Variants in MED24 observed in about 807,000 individuals in gnomAD.
The protein encoded by MED24 is mediator complex subunit 24.
Under a neutral mutation model 118.8 loss-of-function variants are expected in MED24, and 74 were observed. That is an observed-to-expected ratio of 0.62 (90% CI 0.52 to 0.76). MED24 has a LOEUF of 0.76. Among genes scored for constraint, MED24 ranks in the 30% least tolerant of loss-of-function variants. The pLI, the probability that MED24 is intolerant of heterozygous loss-of-function variation, is 0.00. For synonymous variants in MED24, 521 were observed against 523.9 expected (o/e 0.99, Z 0.08); for missense variants, 1,041 against 1,278.9 (o/e 0.81, Z 2.84).
At chr17:40,053,883 C>T (rs890983254) in intron 1 of MED24, 1 of 596,236 alleles carries the variant, frequency 1.7e-6, no homozygotes, top group Admixed American at 3.0e-5. Context: ...GTAATCCCAG[C>T]ACTTCGGGAG....
intron 3 of MED24, among the ~76,000 whole-genome samples, chr17:40,050,837 T>G (rs758347723): frequency 1.1e-4 from 17 of 152,114 alleles, no homozygotes; most frequent in Non-Finnish European, 2.5e-4. Context: ...TGTATGCACA[T>G]AAGAAATCTG....
rs1181266049 is a variant in MED24, at chr17:40,029,829, C to T, written c.1185G>A (p.Gln395=). 1 of 1,614,166 alleles carries T rather than the reference C, an allele frequency of 6.2e-7. No individual in the cohort carries two copies. The highest frequency in any genetic ancestry group is 8.5e-7 in the Non-Finnish European group (1 of 1,180,014). ...RKADREHAPQ[Q]KSGENANIQP... ...GGATGTTGGCATTCTCTCCCGATTT[C>T]TGCTGGGGTGCGTGCTCTCGGTCCG... The change falls in exon 13 of 26, where the codon CAG becomes CAA. Residue 395 remains glutamine, a synonymous_variant. Coordinates refer to ENST00000394128, the MANE Select transcript of MED24 (RefSeq NM_014815.4).
At chr17:40,023,462 C>T (rs1568155978) in intron 19 of MED24, 67 bp from the exon 20 acceptor site, 4 of 1,427,948 alleles carry the variant, frequency 2.8e-6, no homozygotes, top group Non-Finnish European at 3.8e-6. Flanking sequence ...GAGGAGGGAA[C>T]ACCCATGCCA....
chr17:40,023,311 G>C lies in MED24; in HGVS notation c.2070C>G (p.Thr690=). ...QTATQIKFPS[T]GVDTMPYWNL... ...TCCAGTAGGGCATTGTGTCCACCCC[G>C]GTGGAGGGAAACTTGATCTGCGTGG... The change falls in exon 20 of 26, where the codon ACC becomes ACG. Residue 690 remains threonine (T), a synonymous_variant. Transcript: ENST00000394128. 6.2e-7 allele frequency: 1 copy of C among 1,614,018 alleles called. No individual in the cohort carries two copies. The highest frequency in any genetic ancestry group is 8.5e-7 in the Non-Finnish European group (1 of 1,179,946).
chr17:40,036,497 C>T (rs556520786), intron 3 of MED24, among the ~76,000 whole-genome samples: 1 of 152,054 alleles, frequency 6.6e-6, no homozygotes, highest in Non-Finnish European at 1.5e-5. Context: ...GAGACCATCC[C>T]GCCCAACATG....
chr17:40,046,087 ATTTT>A, intron 3 of MED24, among the ~76,000 whole-genome samples: 1 of 123,818 alleles, frequency 8.1e-6, no homozygotes. Context: ...TCTAAAAAAA[ATTTT>A]TTTTTTTTTT....
chr17:40,045,159 A>G (rs1985022689), intron 3 of MED24, among the ~76,000 whole-genome samples: 1 of 152,096 alleles, frequency 6.6e-6, no homozygotes, highest in Non-Finnish European at 1.5e-5. Context: ...TAAAGTACAT[A>G]TGGGCTGGGC....
At position 40,053,615 on chromosome 17, in the gene MED24, G is replaced by A. The variant is rs1986061467; in HGVS notation, c.-17C>T. ...CACCTTCATTATTTCACTCTGAGCA[G>A]GTGGCAGCGGTGGCGGCCAGCTTTG... On this transcript the variant is annotated 5_prime_UTR_variant, in exon 2 of 26. Transcript: ENST00000394128. 6.2e-7 allele frequency: 1 copy of A among 1,614,048 alleles called. No individual in the cohort carries two copies. Among genetic ancestry groups the A allele is most frequent in the African/African-American group, 1.3e-5 (1 of 75,042 alleles).
chr17:40,036,007 G>C, intron 4 of MED24, 109 bp downstream of exon 4: 1 of 1,298,676 alleles, frequency 7.7e-7, no homozygotes, highest in Admixed American at 1.7e-5. Context: ...CCAGCCAGAG[G>C]CATCATGTGC....
intron 19 of MED24, among the ~76,000 whole-genome samples, chr17:40,025,147 C>G (rs1387749748): frequency 1.3e-5 from 2 of 152,154 alleles, no homozygotes; most frequent in Non-Finnish European, 2.9e-5. Context: ...CACGAAAAGG[C>G]AAGGACTGTA....
chr17:40,045,554 CA>C (rs1985073603), intron 3 of MED24, among the ~76,000 whole-genome samples: 1 of 152,012 alleles, frequency 6.6e-6, no homozygotes, highest in African/African-American at 2.4e-5. Context: ...TCTGGGAGGC[CA>C]AGGTGGGTAG....
Position 40,031,592 on chromosome 17 carries a change from A to G in MED24, c.1013T>C (p.Phe338Ser), listed in dbSNP as rs149212946. The change falls in exon 11 of 26, where the codon TTT becomes TCT. Residue 338 changes from phenylalanine (F) to serine (S), a missense_variant. Phe to Ser is a radical substitution (Grantham distance 155). Around this residue, in one of 3 missense-constraint regions of MED24, gnomAD observed 434 missense variants for 514.9 expected, o/e 0.84. Transcript: ENST00000394128. ...KDFTEDVNCA[F>S]EFLLKLTPLL... ...GGGGGTGAGCTTCAGCAGGAACTCA[A>G]AAGCACAGTTGACATCCTCAGTGAA... 1.5e-5 allele frequency: 25 copies of G among 1,614,050 alleles called. No individual in the cohort carries two copies. The African/African-American group carries it at 2.8e-4, about 18-fold the overall frequency.
In MED24 at chr17:40,027,419, G is replaced by C; in HGVS notation, c.1494C>G (p.Leu498=). The C allele has an allele frequency of 6.2e-7, 1 of 1,613,830 alleles. No individual in the cohort carries two copies. The highest frequency in any genetic ancestry group is 8.5e-7 in the Non-Finnish European group (1 of 1,179,888). The change falls in exon 16 of 26, where the codon CTC becomes CTG. Residue 498 remains leucine, a synonymous_variant. Coordinates refer to ENST00000394128, the MANE Select transcript of MED24 (RefSeq NM_014815.4). ...AGGTCTGGGCCACATGGCACAGCAT[G>C]AGGAAGGAGATGTCAAACAGCAGGG... ...VRALLFDISF[L]MLCHVAQTYG...
chr17:40,031,834 A>G (rs1983419333), intron 10 of MED24, among the ~76,000 whole-genome samples: 1 of 152,130 alleles, frequency 6.6e-6, no homozygotes, highest in Non-Finnish European at 1.5e-5. Context: ...AAACACACAC[A>G]CTGAAGCACG....
chr17:40,023,166 C>A lies in MED24; in HGVS notation c.2215G>T (p.Gly739Cys), dbSNP rs770317448. Reference sequence around the variant, plus strand: ...TTGTTGCAGAACCAGTAGACGCCGCCCATGTGCAGCAGGGTGTCAAAGATG... The same window carrying A: ...TTGTTGCAGAACCAGTAGACGCCGCACATGTGCAGCAGGGTGTCAAAGATG... ...IHIFDTLLHM[G>C]GVYWFCNNLI... is the part of the protein sequence containing the mutation. Residue 739 changes from glycine (G) to cysteine (C), a missense_variant, in exon 20 of 26, where the codon GGC becomes TGC. Physicochemically the swap from Gly to Cys is radical, Grantham distance 159. Around this residue, in one of 3 missense-constraint regions of MED24, gnomAD observed 587 missense variants for 694.4 expected, o/e 0.85. Transcript: ENST00000394128. 6.2e-7 allele frequency: 1 copy of A among 1,614,148 alleles called. No homozygotes were observed. The highest frequency in any genetic ancestry group is 1.7e-4 in the Middle Eastern group (1 of 6,060).
intron 4 of MED24, 58 bp from the exon 5 acceptor site, chr17:40,035,853 A>G: frequency 6.6e-7 from 1 of 1,515,402 alleles, no homozygotes; most frequent in Non-Finnish European, 9.1e-7. Context: ...CAGGTCTCAC[A>G]TGAGGCAGAC....
At chr17:40,053,797 ACT>A in intron 1 of MED24, 162 bp from the exon 2 acceptor site, 2 of 950,474 alleles carry the variant, frequency 2.1e-6, no homozygotes, top group Non-Finnish European at 3.1e-6. Context: ...ATCCTGTCAG[ACT>A]CTCTCCTCCT....
At chr17:40,030,840 GTAGACATGGGGTTT>G (rs1184123797) in intron 12 of MED24, among the ~76,000 whole-genome samples, 2 of 151,948 alleles carry the variant, frequency 1.3e-5, no homozygotes, top group African/African-American at 4.8e-5. Flanking sequence ...TGTATTTTTA[GTAGACATGGGGTTT>G]TGCCATGTTG....
Position 40,026,174 on chromosome 17 carries a change from AGGGT to A in MED24, c.1963_1966del (p.Thr655CysfsTer9). The A allele has an allele frequency of 6.2e-7, 1 of 1,614,042 alleles. No individual in the cohort carries two copies. Among genetic ancestry groups the A allele is most frequent in the Non-Finnish European group, 8.5e-7 (1 of 1,179,872 alleles). ...TACCGACCTCTCATTGTAGAACTGC[AGGGT>A]GTTCTCACTAAACAGTGGCCCTGCC... On this transcript the variant is annotated frameshift_variant, in exon 19 of 26. Transcript: ENST00000394128. LOFTEE classifies it high-confidence loss of function.
Sources: gnomAD v4.1 joint callset for allele counts (sites outside exome capture counted in the v4.1 genomes callset) on GRCh38, gnomAD v4.1.1 for gene constraint, gnomAD v4.1.1 regional missense constraint, MANE v1.5 for transcripts, NCBI Gene and HGNC (gene_info 2026-07-23, HGNC 2026-07-21) for gene names.